Variants in SHISA9 observed in about 807,000 individuals in gnomAD.
The protein encoded by SHISA9 is shisa family member 9, also known as protein shisa-9.
Under a neutral mutation model 38.0 loss-of-function variants are expected in SHISA9, and 13 were observed. The ratio of observed to expected loss-of-function variants is 0.34; its 90% CI spans 0.22 to 0.54. The LOEUF (loss-of-function observed/expected upper bound fraction) is 0.54, where lower values mean the gene tolerates loss of function less well. SHISA9 is among the 20% of genes least tolerant of loss of function. SHISA9 has a pLI of 0.91. For synonymous variants in SHISA9, 275 were observed against 242.0 expected (o/e 1.14, Z -1.27); for missense variants, 538 against 575.8 (o/e 0.93, Z 0.67).
At chr16:13,505,881 T>C in the SHISA9 span, among the ~76,000 whole-genome samples, 1 of 152,190 alleles carries the variant, frequency 6.6e-6, no homozygotes, top group African/African-American at 2.4e-5. Context: ...ACCCATCTTT[T>C]TCTGAGGCAT....
chr16:13,138,585 C>T (rs1056084458), intron 2 of SHISA9, among the ~76,000 whole-genome samples: 2 of 152,204 alleles, frequency 1.3e-5, no homozygotes, highest in Non-Finnish European at 2.9e-5. Flanking sequence ...TACCCCTCCT[C>T]TCAGCCTCAT....
chr16:13,192,529 C>T (rs2050895744), intron 2 of SHISA9, among the ~76,000 whole-genome samples: 2 of 151,898 alleles, frequency 1.3e-5, no homozygotes, highest in South Asian at 4.1e-4. Flanking sequence ...GCTGAAGAGG[C>T]AAGCACATAG....
chr16:12,937,789 T>C (rs868424543), intron 2 of SHISA9, among the ~76,000 whole-genome samples: 11 of 152,178 alleles, frequency 7.2e-5, no homozygotes, highest in South Asian at 2.1e-4. Context: ...TACAGAACCA[T>C]TGGGGGTTAG....
chr16:13,439,922 G>A, the SHISA9 span, among the ~76,000 whole-genome samples: 1 of 152,170 alleles, frequency 6.6e-6, no homozygotes, highest in African/African-American at 2.4e-5. Flanking sequence ...GAAGGGCAGT[G>A]ATCTCAGCGA....
the SHISA9 span, among the ~76,000 whole-genome samples, chr16:13,400,257 A>G: frequency 6.6e-6 from 1 of 152,130 alleles, no homozygotes; most frequent in Admixed American, 6.5e-5. Context: ...ACAGGCTCCC[A>G]GTGTGACCCA....
intron 2 of SHISA9, among the ~76,000 whole-genome samples, chr16:13,158,227 A>G (rs188024981): frequency 6.6e-6 from 1 of 152,318 alleles, no homozygotes; most frequent in Admixed American, 6.5e-5. Flanking sequence ...CAGACTGACC[A>G]ACATTCAGAT....
At chr16:12,958,754 A>G (rs182071660) in intron 2 of SHISA9, among the ~76,000 whole-genome samples, 3 of 152,356 alleles carry the variant, frequency 2.0e-5, no homozygotes, top group East Asian at 3.9e-4. Context: ...ACTGAAGTTC[A>G]AAGAGGTTAG....
At chr16:13,463,788 G>A in the SHISA9 span, among the ~76,000 whole-genome samples, 12 of 152,304 alleles carry the variant, frequency 7.9e-5, no homozygotes, top group South Asian at 6.2e-4. Context: ...ATTGATTCCC[G>A]TGTCACATCC....
At chr16:13,074,662 C>T (rs2073559711) in intron 2 of SHISA9, among the ~76,000 whole-genome samples, 4 of 149,380 alleles carry the variant, frequency 2.7e-5, no homozygotes, top group South Asian at 4.2e-4. Context: ...TTCTCTTTTT[C>T]TTTTTCTTTT....
At chr16:13,145,183 G>A (rs1190178206) in intron 2 of SHISA9, among the ~76,000 whole-genome samples, 1 of 152,154 alleles carries the variant, frequency 6.6e-6, no homozygotes, top group East Asian at 1.9e-4. Flanking sequence ...TTGCAGCATA[G>A]TCCATTTTTG....
At chr16:13,092,137 A>AAGAACAGCAAATATTGC (rs1344067121) in intron 2 of SHISA9, among the ~76,000 whole-genome samples, 2 of 152,346 alleles carry the variant, frequency 1.3e-5, no homozygotes, top group East Asian at 1.9e-4. Flanking sequence ...CCAGAGGCTG[A>AAGAACAGCAAATATTGC]AGAACAGCAA....
intron 4 of SHISA9, among the ~76,000 whole-genome samples, chr16:13,226,805 C>G (rs1350691210): frequency 2.0e-5 from 3 of 152,136 alleles, no homozygotes; most frequent in Admixed American, 1.3e-4. Context: ...GGTAACTGGT[C>G]TATGGGTTTC....
chr16:13,134,172 T>C (rs766857892), intron 2 of SHISA9, among the ~76,000 whole-genome samples: 10 of 152,206 alleles, frequency 6.6e-5, no homozygotes, highest in Non-Finnish European at 1.3e-4. Context: ...GGTCTATTAC[T>C]GCCAAGTGTA....
At chr16:13,309,642 C>CAA in the SHISA9 span, among the ~76,000 whole-genome samples, 100 of 65,790 alleles carry the variant, frequency 1.5e-3, no homozygotes, top group African/African-American at 5.2e-3. Context: ...GACTCAGTCT[C>CAA]AAAAAAAAAA....
At chr16:12,978,385 A>C (rs961756923) in intron 2 of SHISA9, among the ~76,000 whole-genome samples, 3 of 152,244 alleles carry the variant, frequency 2.0e-5, no homozygotes, top group African/African-American at 4.8e-5. Context: ...ACGTAACCCA[A>C]GGAGTAGATG....
Position 13,236,847 on chromosome 16 carries a change from A to C in SHISA9, c.*1438A>C, listed in dbSNP as rs2051389807. The C allele has an allele frequency of 6.6e-6, 1 of 152,202 alleles. No individual in the cohort carries two copies. 9.4% of individuals were successfully genotyped at this position (152,202 alleles called of 1,614,324 possible). ...GTCCCGTAATTCCCATGGTCCCTCC[A>C]AATTACCTCCCCACATACTTCATGT... On this transcript the variant is annotated 3_prime_UTR_variant, in exon 5 of 5. Transcript: ENST00000558583.
At chr16:13,454,799 A>C in the SHISA9 span, among the ~76,000 whole-genome samples, 1 of 152,302 alleles carries the variant, frequency 6.6e-6, no homozygotes, top group East Asian at 1.9e-4. Flanking sequence ...AAAATTGGAG[A>C]TACCAGACCT....
At chr16:13,044,200 G>A (rs558201587) in intron 2 of SHISA9, among the ~76,000 whole-genome samples, 17 of 152,306 alleles carry the variant, frequency 1.1e-4, no homozygotes, top group African/African-American at 3.6e-4. Context: ...ACACGCAAAT[G>A]TAGAATCCAC....
the SHISA9 span, among the ~76,000 whole-genome samples, chr16:13,554,701 A>G: frequency 2.6e-5 from 4 of 152,166 alleles, no homozygotes; most frequent in Non-Finnish European, 4.4e-5. Context: ...CATGTTGGTC[A>G]GGCTGGTCTC....
Sources: allele counts gnomAD v4.1 joint callset (sites outside exome capture counted in the v4.1 genomes callset), GRCh38; gene constraint gnomAD v4.1.1; transcripts MANE v1.5; gene names NCBI Gene and HGNC (gene_info 2026-07-23, HGNC 2026-07-21).